Variants in CCNY observed in about 807,000 individuals in gnomAD.
The protein encoded by CCNY is cyclin-Y.
Under a neutral mutation model 42.8 loss-of-function variants are expected in CCNY, and 19 were observed. The ratio of observed to expected loss-of-function variants is 0.44; its 90% CI spans 0.31 to 0.65. CCNY has a LOEUF of 0.65. CCNY is among the 30% of genes least tolerant of loss of function. The probability of loss-of-function intolerance (pLI) is 0.07; values close to 1 mark genes in which losing one functional copy is unlikely to be tolerated. For synonymous variants in CCNY, 165 were observed against 162.7 expected, an observed-to-expected ratio of 1.01 and a Z score of -0.11; for missense variants, 370 against 437.3, an observed-to-expected ratio of 0.85 and a Z score of 1.37.
At chr10:35,373,888 C>CTTCAGGTTG (rs530695890) in intron 1 of CCNY, among the ~76,000 whole-genome samples, 188 of 152,028 alleles carry the variant, frequency 1.2e-3, no homozygotes, top group Middle Eastern at 3.4e-3. Context: ...GTTGTTTCTC[C>CTTCAGGTTG]TAACCCCTGA....
intron 1 of CCNY, among the ~76,000 whole-genome samples, chr10:35,463,546 A>G (rs1272198059): frequency 6.6e-6 from 1 of 152,264 alleles, no homozygotes; most frequent in Non-Finnish European, 1.5e-5. Context: ...TGGAAGCACC[A>G]AGTTTAAAAG....
intron 1 of CCNY, among the ~76,000 whole-genome samples, chr10:35,422,831 A>G (rs1790491839): frequency 6.6e-6 from 1 of 152,048 alleles, no homozygotes; most frequent in African/African-American, 2.4e-5. Flanking sequence ...TTTTTGTTTT[A>G]TTGCTAAAAA....
intron 1 of CCNY, among the ~76,000 whole-genome samples, chr10:35,474,258 A>G (rs1427366632): frequency 2.0e-5 from 3 of 152,232 alleles, no homozygotes; most frequent in Non-Finnish European, 4.4e-5. Context: ...TTAGGTAAAC[A>G]CAGCAGCCTG....
chr10:35,276,901 C>G (rs1835245872), intron 3 of CCNY, among the ~76,000 whole-genome samples: 1 of 152,246 alleles, frequency 6.6e-6, no homozygotes, highest in African/African-American at 2.4e-5. Flanking sequence ...TTCAGGCTCC[C>G]AAGAGCCATC....
At chr10:35,428,650 G>C (rs1052904406) in intron 1 of CCNY, among the ~76,000 whole-genome samples, 2 of 152,130 alleles carry the variant, frequency 1.3e-5, no homozygotes, top group Non-Finnish European at 2.9e-5. Flanking sequence ...GAGCTGGCAG[G>C]CTCCTCCAGA....
Position 35,553,068 on chromosome 10 carries a change from C to T in CCNY, c.629C>T (p.Ala210Val), listed in dbSNP as rs770146084. 5 of 1,614,052 alleles carry T rather than the reference C, an allele frequency of 3.1e-6. No homozygotes were observed. The East Asian group carries it at 8.9e-5, about 29-fold the overall frequency. Residue 210 changes from alanine (A) to valine (V), a missense_variant, in exon 8 of 10, where the codon GCC becomes GTC. Ala to Val is a moderately conservative substitution (Grantham distance 64). Coordinates refer to ENST00000374704, the MANE Select transcript of CCNY (RefSeq NM_145012.6). ...TACGCAGAGATAGATATCTGTCCGG[C>T]CAACTGGAAGCGGATTGTTTTAGGG... ...LTYAEIDICP[A>V]NWKRIVLGAI...
At chr10:35,472,903 G>T (rs566881665) in intron 1 of CCNY, among the ~76,000 whole-genome samples, 3 of 152,052 alleles carry the variant, frequency 2.0e-5, no homozygotes, top group African/African-American at 7.2e-5. Context: ...GTAGTATTTC[G>T]ATACGAATAG....
chr10:35,463,201 C>T (rs1480391321), intron 1 of CCNY, among the ~76,000 whole-genome samples: 1 of 152,186 alleles, frequency 6.6e-6, no homozygotes, highest in Non-Finnish European at 1.5e-5. Context: ...TATGATTTAC[C>T]TTATCTGGTT....
At position 35,518,787 on chromosome 10, in the gene CCNY, A is replaced by C. The variant is rs1429274495; in HGVS notation, c.365+2164A>C. 1.4e-5 allele frequency among the ~76,000 whole-genome samples: 2 copies of C among 140,874 alleles called. 1 individual carries two copies. Among genetic ancestry groups the C allele is most frequent in the African/African-American group, 5.8e-5 (2 of 34,438 alleles). 92.4% of individuals were successfully genotyped at this position (140,874 alleles called of 152,430 possible). A position where few individuals can be genotyped will look rare whatever the true frequency, so the allele number is the denominator to read the frequency against. On this transcript the variant is annotated intron_variant, in intron 4 of 9. Transcript: ENST00000374704. ...AACAGCTCTTGATTGAATCTGGCTG[A>C]GGTAAATTGTGAGTATCTGGATTTT... is the stretch of plus-strand genomic sequence containing the variant.
chr10:35,527,378 T>G (rs1471236620), intron 5 of CCNY, among the ~76,000 whole-genome samples: 1 of 152,250 alleles, frequency 6.6e-6, no homozygotes, highest in East Asian at 1.9e-4. Context: ...CTCTAAGATA[T>G]TTCTCAGTAC....
intron 1 of CCNY, among the ~76,000 whole-genome samples, chr10:35,463,788 C>G (rs1203365336): frequency 6.6e-6 from 1 of 152,214 alleles, no homozygotes; most frequent in Non-Finnish European, 1.5e-5. Flanking sequence ...TAAATACTTC[C>G]AGAGCTTGAA....
At chr10:35,275,755 T>C (rs1238238970) in intron 3 of CCNY, among the ~76,000 whole-genome samples, 2 of 150,678 alleles carry the variant, frequency 1.3e-5, no homozygotes, top group Non-Finnish European at 3.0e-5. Context: ...ACAGCGAGAC[T>C]CCGTCTCAAA....
chr10:35,530,362 C>T lies in CCNY; in HGVS notation c.579+119C>T, dbSNP rs1048508678. The T allele has an allele frequency of 1.1e-5, 14 of 1,224,026 alleles. No homozygotes were observed. Among genetic ancestry groups the T allele is most frequent in the South Asian group, 6.7e-5 (5 of 74,616 alleles). The allele number at this position is 1,224,026 out of a possible 1,614,324, so 75.8% of individuals were successfully genotyped here. On this transcript the variant is annotated intron_variant, in intron 7 of 9. Transcript: ENST00000374704. The surrounding 1 kb of genome is among the most constrained non-coding windows in gnomAD (Gnocchi z 4.3). The stretch of plus-strand genomic sequence containing the variant: ...CCTCACCAGGTTACCCTGTGGACAC[C>T]GTGGCATAAGCTTCAGTGTTGTCGT...
chr10:35,443,194 C>T (rs1432107764), intron 1 of CCNY, among the ~76,000 whole-genome samples: 2 of 152,166 alleles, frequency 1.3e-5, no homozygotes, highest in African/African-American at 2.4e-5. Flanking sequence ...GTGTATACTA[C>T]CAGAGACTTT....
At position 35,570,104 on chromosome 10, in the gene CCNY, C is replaced by T. The variant is rs1841657223; in HGVS notation, c.*934C>T. On this transcript the variant is annotated 3_prime_UTR_variant, in exon 10 of 10. Transcript: ENST00000374704. ...GAGTAGGAGCCATTTCTTTGTACCC[C>T]TGCCTAATCCATTCCTCTCCTTCCA... The T allele has an allele frequency of 6.5e-6, 1 of 152,748 alleles. No homozygotes were observed. Among genetic ancestry groups the T allele is most frequent in the African/African-American group, 2.4e-5 (1 of 41,428 alleles). 9.5% of individuals were successfully genotyped at this position (152,748 alleles called of 1,614,324 possible).
intron 3 of CCNY, among the ~76,000 whole-genome samples, chr10:35,257,370 T>C (rs2135027662): frequency 6.6e-6 from 1 of 151,212 alleles, no homozygotes; most frequent in Non-Finnish European, 1.5e-5. Context: ...CTCAGACTCC[T>C]GGGCTCGGGT....
At chr10:35,516,747 G>A in intron 4 of CCNY, 124 bp downstream of exon 4, 1 of 610,734 alleles carries the variant, frequency 1.6e-6, no homozygotes. Flanking sequence ...TGGTTGTGGG[G>A]TCTGGGAGTG....
intron 1 of CCNY, among the ~76,000 whole-genome samples, chr10:35,422,178 A>T (rs755287400): frequency 8.0e-4 from 122 of 152,094 alleles, no homozygotes; most frequent in Middle Eastern, 6.8e-3. Context: ...AAATTTTTTT[A>T]AAATTTAAAT....
At chr10:35,347,293 A>G (rs1836326836) in intron 1 of CCNY, 1 of 194,680 alleles carries the variant, frequency 5.1e-6, no homozygotes, top group Non-Finnish European at 9.3e-6. Context: ...ACAGCTGGGC[A>G]CAGTAAGGAG....
Sources: allele counts gnomAD v4.1 joint callset (sites outside exome capture counted in the v4.1 genomes callset), GRCh38; gene constraint gnomAD v4.1.1; non-coding constraint Gnocchi (gnomAD v3.1); transcripts MANE v1.5; gene names NCBI Gene and HGNC (gene_info 2026-07-23, HGNC 2026-07-21).